The following VPS13B variants were observed in gnomAD, a reference collection of about 807,000 sequenced individuals.
VPS13B encodes the protein intermembrane lipid transfer protein VPS13B.
A neutral mutation model predicts 426.4 loss-of-function variants in VPS13B; 285 were observed. The ratio of observed to expected loss-of-function variants is 0.67; its 90% CI spans 0.61 to 0.74. The LOEUF (loss-of-function observed/expected upper bound fraction) is 0.74, where lower values mean the gene tolerates loss of function less well. VPS13B is among the 30% of genes least tolerant of loss of function. The pLI is 0.00. For missense variants in VPS13B, 4,537 were observed against 4,782.6 expected (o/e 0.95, Z 1.51); for synonymous variants, 1,676 against 1,676.4 (o/e 1.00, Z 0.01).
intron 13 of VPS13B, among the ~76,000 whole-genome samples, chr8:99,144,356 G>T (rs569158779): frequency 6.6e-6 from 1 of 151,778 alleles, no homozygotes; most frequent in African/African-American, 2.4e-5. Context: ...AAAATTAGTT[G>T]GGTGTGGTGG....
chr8:99,845,974 C>G (rs1282862889), intron 54 of VPS13B, among the ~76,000 whole-genome samples: 1 of 152,168 alleles, frequency 6.6e-6, no homozygotes, highest in Non-Finnish European at 1.5e-5. Context: ...CTGCCTTTAG[C>G]CCATTGGCCA....
At chr8:99,508,861 G>T (rs1188536247) in intron 28 of VPS13B, among the ~76,000 whole-genome samples, 1 of 150,806 alleles carries the variant, frequency 6.6e-6, no homozygotes, top group Non-Finnish European at 1.5e-5. Flanking sequence ...ACCTCAACTA[G>T]TATTCACTTT....
At chr8:99,783,210 C>T (rs1308694367) in intron 42 of VPS13B, among the ~76,000 whole-genome samples, 1 of 152,152 alleles carries the variant, frequency 6.6e-6, no homozygotes, top group African/African-American at 2.4e-5. Context: ...ACTTGAATCA[C>T]AATGCTTCTG....
chr8:99,350,954 A>G (rs1811849112), intron 19 of VPS13B, among the ~76,000 whole-genome samples: 1 of 152,022 alleles, frequency 6.6e-6, no homozygotes, highest in Admixed American at 6.6e-5. Context: ...TACTGTTCAT[A>G]TTCAAATAGA....
chr8:99,419,559 A>G (rs966913834), intron 21 of VPS13B, among the ~76,000 whole-genome samples: 2 of 152,106 alleles, frequency 1.3e-5, no homozygotes, highest in African/African-American at 2.4e-5. Context: ...TTTATCTTTT[A>G]GGTAATTGAA....
intron 23 of VPS13B, among the ~76,000 whole-genome samples, chr8:99,458,931 C>A (rs1440781016): frequency 6.6e-6 from 1 of 152,078 alleles, no homozygotes; most frequent in Non-Finnish European, 1.5e-5. Flanking sequence ...TAATTAGATC[C>A]CATTTGTCAA....
intron 19 of VPS13B, among the ~76,000 whole-genome samples, chr8:99,320,469 C>A (rs1588247276): frequency 6.6e-6 from 1 of 151,982 alleles, no homozygotes; most frequent in East Asian, 1.9e-4. Flanking sequence ...ATTTTGTTTT[C>A]TTAGTAAATA....
At chr8:99,492,328 C>A (rs1034777705) in intron 25 of VPS13B, among the ~76,000 whole-genome samples, 2 of 152,172 alleles carry the variant, frequency 1.3e-5, no homozygotes, top group African/African-American at 4.8e-5. Flanking sequence ...GCGTCAGGGA[C>A]CCACTTGAAG....
At chr8:99,835,167 T>A in intron 52 of VPS13B, 30 bp from the exon 53 acceptor site, 1 of 1,613,718 alleles carries the variant, frequency 6.2e-7, no homozygotes, top group Non-Finnish European at 8.5e-7. Flanking sequence ...TTCCTAAACA[T>A]TTCTGTCATT....
At chr8:99,288,765 C>T (rs1819572178) in intron 19 of VPS13B, among the ~76,000 whole-genome samples, 1 of 151,994 alleles carries the variant, frequency 6.6e-6, no homozygotes, top group South Asian at 2.1e-4. Context: ...TATCATTAGT[C>T]AACTATCAGG....
chr8:99,726,198 A>T (rs1833343182), intron 39 of VPS13B, among the ~76,000 whole-genome samples: 1 of 152,254 alleles, frequency 6.6e-6, no homozygotes, highest in Non-Finnish European at 1.5e-5. Context: ...TAAAAACCTC[A>T]AAAGTAATGT....
chr8:99,652,500 A>G (rs1024139828), intron 34 of VPS13B, among the ~76,000 whole-genome samples: 3 of 151,948 alleles, frequency 2.0e-5, no homozygotes, highest in Admixed American at 6.6e-5. Context: ...TATCATTTCA[A>G]TGTAATTCTA....
At position 99,597,810 on chromosome 8, in the gene VPS13B, C is replaced by A. The variant is rs533060692; in HGVS notation, c.5220+20177C>A. 5.3e-5 allele frequency among the ~76,000 whole-genome samples: 8 copies of A among 152,042 alleles called. No homozygotes were observed. The East Asian group carries it at 1.5e-3, about 29-fold the overall frequency. On this transcript the variant is annotated intron_variant, in intron 33 of 61. Transcript: ENST00000357162. ...TATTTGGCTCACTATTACATAAAGC[C>A]AAGCACAATCCTTACTGATCAGATG...
At chr8:99,568,851 G>A (rs1478726635) in intron 31 of VPS13B, among the ~76,000 whole-genome samples, 5 of 143,810 alleles carry the variant, frequency 3.5e-5, no homozygotes, top group Admixed American at 1.4e-4. Flanking sequence ...TTGCTCTATC[G>A]CCCAGGCTGG....
chr8:99,812,276 G>T (rs2130794536), intron 44 of VPS13B, among the ~76,000 whole-genome samples: 1 of 148,408 alleles, frequency 6.7e-6, no homozygotes, highest in African/African-American at 2.4e-5. Flanking sequence ...GATTTGTTCT[G>T]GTTAAAGTAC....
At position 99,361,236 on chromosome 8, in the gene VPS13B, A is replaced by G. The variant is rs191499327; in HGVS notation, c.2825-22972A>G. 1.6e-4 allele frequency among the ~76,000 whole-genome samples: 24 copies of G among 152,312 alleles called. No individual in the cohort carries two copies. The East Asian group carries it at 4.2e-3, about 27-fold the overall frequency. ...TCATTGGAAAATTCATTAGACACTC[A>G]CCTGCATTATTGAGGAACTGATAGG... On this transcript the variant is annotated intron_variant, in intron 19 of 61. Coordinates refer to ENST00000357162, the MANE Select transcript of VPS13B (RefSeq NM_152564.5).
intron 15 of VPS13B, among the ~76,000 whole-genome samples, chr8:99,161,407 A>G (rs1263473052): frequency 2.6e-5 from 4 of 152,234 alleles, no homozygotes; most frequent in African/African-American, 9.6e-5. Context: ...ATGTTCACCA[A>G]AACCATTGGT....
intron 16 of VPS13B, among the ~76,000 whole-genome samples, chr8:99,180,659 T>A (rs1488330889): frequency 6.6e-6 from 1 of 152,132 alleles, no homozygotes; most frequent in Non-Finnish European, 1.5e-5. Context: ...GGAAATTGTG[T>A]TGCAAGTGTT....
intron 17 of VPS13B, among the ~76,000 whole-genome samples, chr8:99,201,021 G>A (rs1416446743): frequency 1.3e-5 from 2 of 151,494 alleles, no homozygotes; most frequent in Non-Finnish European, 2.9e-5. Context: ...TAATATCACA[G>A]AATCCTTCTT....
Sources: gnomAD v4.1 joint callset for allele counts (sites outside exome capture counted in the v4.1 genomes callset) on GRCh38, gnomAD v4.1.1 for gene constraint, MANE v1.5 for transcripts, NCBI Gene and HGNC (gene_info 2026-07-23, HGNC 2026-07-21) for gene names.